The following PCDH15 variants were observed in gnomAD, a reference collection of about 807,000 sequenced individuals.
The protein encoded by PCDH15 is protocadherin related 15, also known as protocadherin-15.
In PCDH15, 129 loss-of-function variants were observed where a neutral mutation model predicts 178.5. The observed-to-expected ratio is 0.72, with a 90% CI of 0.63 to 0.84. The LOEUF (loss-of-function observed/expected upper bound fraction) is 0.84, where lower values mean the gene tolerates loss of function less well. PCDH15 is among the 40% of genes least tolerant of loss of function. The pLI is 0.00. For synonymous variants in PCDH15, 800 were observed against 732.0 expected (o/e 1.09, Z -1.50); for missense variants, 2,230 against 2,099.9 (o/e 1.06, Z -1.21).
chr10:54,384,709 C>T (rs1421339998), intron 3 of PCDH15, among the ~76,000 whole-genome samples: 2 of 152,068 alleles, frequency 1.3e-5, no homozygotes, highest in Non-Finnish European at 2.9e-5. Context: ...ACTTTAATCA[C>T]AGAACAAATT....
chr10:54,294,434 A>G (rs1288096760), intron 8 of PCDH15, among the ~76,000 whole-genome samples: 2 of 152,194 alleles, frequency 1.3e-5, no homozygotes, highest in Non-Finnish European at 2.9e-5. Context: ...TGCACGTTGT[A>G]CACATGTACC....
At chr10:55,062,451 G>A (rs1841457225) in intron 2 of PCDH15, among the ~76,000 whole-genome samples, 1 of 152,162 alleles carries the variant, frequency 6.6e-6, no homozygotes, top group African/African-American at 2.4e-5. Flanking sequence ...GCTATGAAGA[G>A]AAATAAGCAA....
chr10:54,151,045 G>A (rs2044476245), intron 14 of PCDH15, among the ~76,000 whole-genome samples: 1 of 151,996 alleles, frequency 6.6e-6, no homozygotes, highest in African/African-American at 2.4e-5. Flanking sequence ...CTCATATATG[G>A]TAGCTATTTA....
At chr10:53,869,097 T>A (rs191782830) in intron 26 of PCDH15, among the ~76,000 whole-genome samples, 115 of 152,292 alleles carry the variant, frequency 7.6e-4, no homozygotes, top group African/African-American at 2.5e-3. Flanking sequence ...CATGAGCCAC[T>A]GTGCCAAACC....
chr10:53,810,817 A>T lies in PCDH15; in HGVS notation c.4563-153T>A. On this transcript the variant is annotated intron_variant, in intron 36 of 37. Transcript: ENST00000644397. ...CTCCTTGTAAACTAGTTACAAAACTATAGAGTAAGAACTGCTACCTGATGA... is the reference window on the plus strand; with the variant it reads ...CTCCTTGTAAACTAGTTACAAAACTTTAGAGTAAGAACTGCTACCTGATGA... 8 of 705,268 alleles carry T rather than the reference A, an allele frequency of 1.1e-5. No homozygotes were observed. The South Asian group carries it at 1.3e-4, about 11-fold the overall frequency. 43.7% of individuals were successfully genotyped at this position (705,268 alleles called of 1,614,324 possible). A position where few individuals can be genotyped will look rare whatever the true frequency, so the allele number is the denominator to read the frequency against.
intron 8 of PCDH15, among the ~76,000 whole-genome samples, chr10:54,281,651 A>G (rs1379032586): frequency 6.6e-6 from 1 of 152,048 alleles, no homozygotes; most frequent in South Asian, 2.1e-4. Flanking sequence ...TTGTTTTACA[A>G]TTTATAATTT....
At chr10:54,950,794 A>T (rs1838320161) in intron 2 of PCDH15, among the ~76,000 whole-genome samples, 1 of 151,966 alleles carries the variant, frequency 6.6e-6, no homozygotes, top group African/African-American at 2.4e-5. Context: ...TATGGGGATT[A>T]CAATACAAGA....
intron 2 of PCDH15, among the ~76,000 whole-genome samples, chr10:55,066,055 A>T (rs919388305): frequency 2.0e-5 from 3 of 151,930 alleles, no homozygotes; most frequent in Admixed American, 2.0e-4. Context: ...ATTTTTGTTC[A>T]CATATGTCAG....
In PCDH15 at chr10:54,290,288, T is replaced by C. The variant is rs568728206; in HGVS notation, c.876+26983A>G. ...TTTCAACCCAGAATTTCATATCTAG[T>C]CAAACTAAGCTTCCTAAGTGAAGGG... On this transcript the variant is annotated intron_variant, in intron 8 of 37. Transcript: ENST00000644397. Among the ~76,000 whole-genome samples the C allele has an allele frequency of 4.9e-4, 75 of 152,222 alleles. 1 individual carries two copies. Among genetic ancestry groups the C allele is most frequent in the African/African-American group, 1.6e-3 (68 of 41,540 alleles).
At chr10:54,122,668 A>C (rs561924506) in intron 15 of PCDH15, among the ~76,000 whole-genome samples, 13 of 152,284 alleles carry the variant, frequency 8.5e-5, no homozygotes, top group Admixed American at 1.3e-4. Flanking sequence ...TCTCTCAATA[A>C]GTTATTAGAA....
intron 6 of PCDH15, among the ~76,000 whole-genome samples, chr10:54,341,587 T>C (rs1173756505): frequency 1.3e-5 from 2 of 152,170 alleles, no homozygotes; most frequent in African/African-American, 2.4e-5. Context: ...ACTGTTAAGA[T>C]GATAACCTGA....
At chr10:54,229,288 T>C (rs781061235) in intron 9 of PCDH15, among the ~76,000 whole-genome samples, 1 of 152,234 alleles carries the variant, frequency 6.6e-6, no homozygotes, top group Non-Finnish European at 1.5e-5. Context: ...TTATATATAA[T>C]ACAATTAATC....
chr10:54,744,045 G>T (rs1297541171), intron 1 of PCDH15, among the ~76,000 whole-genome samples: 1 of 152,038 alleles, frequency 6.6e-6, no homozygotes, highest in African/African-American at 2.4e-5. Context: ...CTTTTCTCTT[G>T]CACATTCTTT....
At chr10:55,097,945 A>G (rs757988437) in intron 2 of PCDH15, among the ~76,000 whole-genome samples, 1 of 152,134 alleles carries the variant, frequency 6.6e-6, no homozygotes, top group Non-Finnish European at 1.5e-5. Context: ...AGCACTCAAC[A>G]CTACCCTTAG....
chr10:54,350,034 G>T (rs1268301390), intron 5 of PCDH15, among the ~76,000 whole-genome samples: 1 of 152,002 alleles, frequency 6.6e-6, no homozygotes, highest in Non-Finnish European at 1.5e-5. Context: ...AGAAACAATT[G>T]TATTAGCCGT....
intron 1 of PCDH15, among the ~76,000 whole-genome samples, chr10:55,205,110 A>G (rs1366729052): frequency 2.6e-5 from 4 of 152,094 alleles, no homozygotes; most frequent in Admixed American, 2.0e-4. Flanking sequence ...AATTATAAGA[A>G]GTATAGTTTC....
At chr10:54,905,328 C>A (rs1954700808) in intron 2 of PCDH15, among the ~76,000 whole-genome samples, 1 of 152,038 alleles carries the variant, frequency 6.6e-6, no homozygotes. Context: ...TCATCATAAG[C>A]ACATACAAGC....
At position 55,173,846 on chromosome 10, in the gene PCDH15, T is replaced by C; in HGVS notation, c.-155-7195A>G. 2.6e-5 allele frequency among the ~76,000 whole-genome samples: 4 copies of C among 152,266 alleles called. No individual in the cohort carries two copies. The South Asian group carries it at 8.3e-4, about 32-fold the overall frequency. ...TTAGTACAGATTTTTTGATGTTTCA[T>C]TCATCTATCTATTTTCATATTAGAA... On this transcript the variant is annotated intron_variant, in intron 1 of 5. Transcript: ENST00000458638.
At chr10:54,917,715 C>A (rs1478263971) in intron 2 of PCDH15, among the ~76,000 whole-genome samples, 1 of 152,018 alleles carries the variant, frequency 6.6e-6, no homozygotes. Context: ...AGGTGGTCTC[C>A]AGAAATTTTT....
Sources: allele counts gnomAD v4.1 joint callset (sites outside exome capture counted in the v4.1 genomes callset), GRCh38; gene constraint gnomAD v4.1.1; transcripts MANE v1.5; gene names NCBI Gene and HGNC (gene_info 2026-07-23, HGNC 2026-07-21).